Variants in THEMIS observed in about 807,000 individuals in gnomAD.
The protein encoded by THEMIS is protein THEMIS.
In THEMIS, 37 loss-of-function variants were observed where a neutral mutation model predicts 52.6. The ratio of observed to expected loss-of-function variants is 0.70; its 90% confidence interval spans 0.54 to 0.93. THEMIS has a LOEUF of 0.93. Among genes scored for constraint, THEMIS ranks in the 40% least tolerant of loss-of-function variants. The pLI, the probability that THEMIS is intolerant of heterozygous loss-of-function variation, is 0.00. For missense variants in THEMIS, 808 were observed against 763.1 expected, an observed-to-expected ratio of 1.06 and a Z score of -0.69; for synonymous variants, 292 against 272.7, an observed-to-expected ratio of 1.07 and a Z score of -0.70.
At chr6:127,814,059 T>G in intron 3 of THEMIS, 128 bp from the exon 4 acceptor site, 1 of 791,782 alleles carries the variant, frequency 1.3e-6, no homozygotes, top group East Asian at 2.9e-5. Context: ...CATATATCAT[T>G]TCTTATGTGT....
intron 1 of THEMIS, among the ~76,000 whole-genome samples, chr6:127,907,688 A>G (rs6905392): frequency 0.17 from 25,098 of 151,926 alleles, 2,584 homozygotes; most frequent in East Asian, 0.38. Context: ...AAGTGAGCTA[A>G]TTACCCAAAA....
chr6:127,869,568 G>C (rs141084935), intron 1 of THEMIS, among the ~76,000 whole-genome samples: 3 of 152,124 alleles, frequency 2.0e-5, no homozygotes, highest in Non-Finnish European at 4.4e-5. Context: ...CTGTATTTGC[G>C]GAGTTCCAGG....
At position 127,808,290 on chromosome 6, in the gene THEMIS, G is replaced by A. The variant is rs190942280; in HGVS notation, c.1758+4593C>T. On this transcript the variant is annotated intron_variant, in intron 4 of 5. Transcript: ENST00000368248. ...TTCTCCTGTGTGGCACTCAGGAGTC[G>A]TAGCTATATATATCCACGACAGGCA... 1.9e-3 allele frequency among the ~76,000 whole-genome samples: 285 copies of A among 152,224 alleles called. 2 individuals are homozygous for A. The highest frequency in any genetic ancestry group is 6.7e-3 in the African/African-American group (279 of 41,530).
chr6:127,756,243 C>A (rs1775822151), intron 4 of THEMIS, among the ~76,000 whole-genome samples: 1 of 152,114 alleles, frequency 6.6e-6, no homozygotes, highest in Non-Finnish European at 1.5e-5. Flanking sequence ...ATCTGTAGAT[C>A]AATGCCACAA....
intron 1 of THEMIS, among the ~76,000 whole-genome samples, chr6:127,872,495 G>C (rs1018237370): frequency 6.6e-6 from 1 of 152,094 alleles, no homozygotes; most frequent in African/African-American, 2.4e-5. Flanking sequence ...CCAGTAAGCA[G>C]AGGTTGCAGT....
In THEMIS at chr6:127,906,439, A is replaced by G. The variant is rs558576697; in HGVS notation, c.-149-5358T>C. ...AGCAAATATTTATTTCATAAAATTC[A>G]TACTGTTAATGGTGCAATGTTTAGT... On this transcript the variant is annotated intron_variant, in intron 1 of 6. Transcript: ENST00000368250. 2.0e-3 allele frequency among the ~76,000 whole-genome samples: 307 copies of G among 152,106 alleles called. 3 individuals are homozygous for G. The highest frequency in any genetic ancestry group is 7.0e-3 in the African/African-American group (290 of 41,566).
At chr6:127,816,360 C>T (rs990706108) in intron 3 of THEMIS, among the ~76,000 whole-genome samples, 3 of 152,110 alleles carry the variant, frequency 2.0e-5, no homozygotes. Flanking sequence ...AAGTATAGCT[C>T]CAGCCAAAAC....
At chr6:127,838,058 G>C (rs1045452829) in intron 2 of THEMIS, among the ~76,000 whole-genome samples, 1 of 151,976 alleles carries the variant, frequency 6.6e-6, no homozygotes, top group Non-Finnish European at 1.5e-5. Context: ...CATTATAAAG[G>C]CTCTTTTCTC....
At chr6:127,833,022 G>T (rs896134157) in intron 2 of THEMIS, among the ~76,000 whole-genome samples, 2 of 151,886 alleles carry the variant, frequency 1.3e-5, no homozygotes, top group Non-Finnish European at 2.9e-5. Flanking sequence ...GACCTCAGGT[G>T]ATCTGCCCGC....
In THEMIS at chr6:127,835,552, T is replaced by C. The variant is rs1778847885; in HGVS notation, c.251-5618A>G. ...AGTAAGCACCAAATGATTAAAAACA[T>C]AGTGGTTATTAAGTCTCCTCATTTG... is the stretch of plus-strand genomic sequence containing the variant. On this transcript the variant is annotated intron_variant, in intron 2 of 5. Transcript: ENST00000368248. Among the ~76,000 whole-genome samples the C allele has an allele frequency of 2.6e-5, 4 of 152,238 alleles. No homozygotes were observed. In the South Asian group the frequency reaches 8.3e-4, roughly 32 times the overall value.
chr6:127,826,633 G>C (rs949452097), intron 3 of THEMIS, among the ~76,000 whole-genome samples: 3 of 152,038 alleles, frequency 2.0e-5, no homozygotes, highest in Non-Finnish European at 2.9e-5. Context: ...AGTTTTAATG[G>C]TCAAGACCTC....
In THEMIS at chr6:127,797,847, CTAA is replaced by C. The variant is rs1191364354; in HGVS notation, c.1758+15033_1758+15035del. Reference sequence around the variant, plus strand: ...CCTTGCTTCCAAGATGGGAGACTAGCTAATACTGCTGGCATCAATTATAGGACC... The same window carrying C: ...CCTTGCTTCCAAGATGGGAGACTAGCTACTGCTGGCATCAATTATAGGACC... On this transcript the variant is annotated intron_variant, in intron 4 of 5. Coordinates refer to ENST00000368248, the MANE Select transcript of THEMIS (RefSeq NM_001010923.3). Among the ~76,000 whole-genome samples, 6 of 152,332 alleles carry C rather than the reference CTAA, an allele frequency of 3.9e-5. No individual in the cohort carries two copies. The East Asian group carries it at 1.2e-3, about 29-fold the overall frequency.
chr6:127,910,311 G>T (rs940524448), intron 1 of THEMIS, among the ~76,000 whole-genome samples: 1 of 151,916 alleles, frequency 6.6e-6, no homozygotes, highest in African/African-American at 2.4e-5. Flanking sequence ...CATTTTGTAA[G>T]CTCATTGTCT....
At chr6:127,824,757 A>C (rs1004014400) in intron 3 of THEMIS, among the ~76,000 whole-genome samples, 6 of 152,120 alleles carry the variant, frequency 3.9e-5, no homozygotes, top group Non-Finnish European at 8.8e-5. Context: ...TCGGCCCCCC[A>C]AAGTGCTGGG....
At chr6:127,788,514 T>A (rs1777052881) in intron 4 of THEMIS, among the ~76,000 whole-genome samples, 1 of 152,240 alleles carries the variant, frequency 6.6e-6, no homozygotes, top group Non-Finnish European at 1.5e-5. Flanking sequence ...TTCATAATTA[T>A]TACCTTAATT....
intron 1 of THEMIS, among the ~76,000 whole-genome samples, chr6:127,870,825 G>A (rs138222172): frequency 6.6e-6 from 1 of 152,088 alleles, no homozygotes; most frequent in Non-Finnish European, 1.5e-5. Flanking sequence ...AAAGAACAGG[G>A]CTGAGAAATA....
At chr6:127,778,831 ATT>A (rs58524604) in intron 4 of THEMIS, among the ~76,000 whole-genome samples, 12,684 of 142,166 alleles carry the variant, frequency 0.089, 560 homozygotes, top group African/African-American at 0.12. Context: ...CTCAAGTGGA[ATT>A]TTTTTTTTTT....
chr6:127,703,035 GTTTTTTTTTTTTT>G, the THEMIS span, among the ~76,000 whole-genome samples: 43 of 82,386 alleles, frequency 5.2e-4, 1 homozygote, highest in East Asian at 0.014. Flanking sequence ...TTTAGAATGA[GTTTTTTTTTTTTT>G]TTTTTTTTTT....
At chr6:127,722,895 A>G (rs975112044) in intron 4 of THEMIS, among the ~76,000 whole-genome samples, 1 of 152,048 alleles carries the variant, frequency 6.6e-6, no homozygotes, top group Non-Finnish European at 1.5e-5. Flanking sequence ...CCATATCTAC[A>G]TAAACATTCT....
Sources: gnomAD v4.1 joint callset for allele counts (sites outside exome capture counted in the v4.1 genomes callset) on GRCh38, gnomAD v4.1.1 for gene constraint, MANE v1.5 for transcripts, NCBI Gene and HGNC (gene_info 2026-07-23, HGNC 2026-07-21) for gene names.